Variants in NAV1 observed in about 807,000 individuals in gnomAD.
The protein encoded by NAV1 is neuron navigator 1, also known as pore membrane and/or filament interacting like protein 3.
In NAV1, 18 loss-of-function variants were observed where a neutral mutation model predicts 175.2. The ratio of observed to expected loss-of-function variants is 0.10; its 90% CI spans 0.07 to 0.15. NAV1 has a LOEUF of 0.15. NAV1 is among the 10% of genes least tolerant of loss of function. The pLI is 1.00. For synonymous variants in NAV1, 897 were observed against 978.7 expected, an observed-to-expected ratio of 0.92 and a Z score of 1.56; for missense variants, 1,731 against 2,436.6, an observed-to-expected ratio of 0.71 and a Z score of 6.10.
intron 1 of NAV1, among the ~76,000 whole-genome samples, chr1:201,695,717 C>G (rs1418587355): frequency 2.0e-5 from 3 of 152,330 alleles, no homozygotes; most frequent in African/African-American, 7.2e-5. Context: ...GAAGGCCTGG[C>G]TGCCTCCCAG....
In NAV1 at chr1:201,793,885, CTGGGAAAGGGTGGGAGGGGTGGGT is replaced by C; in HGVS notation, c.3405+11_3405+34del. On this transcript the variant is annotated intron_variant, in intron 14 of 29. Coordinates refer to ENST00000367296, the Ensembl canonical transcript of NAV1. ...GACGGCCGAGGAGAAGGTGAGAGGCCTGGGAAAGGGTGGGAGGGGTGGGTGCGGCGAGGGGGTTCTCCTGGACAG... is the reference window on the plus strand; with the variant it reads ...GACGGCCGAGGAGAAGGTGAGAGGCCGCGGCGAGGGGGTTCTCCTGGACAG... 3 of 538,520 alleles carry C rather than the reference CTGGGAAAGGGTGGGAGGGGTGGGT, an allele frequency of 5.6e-6. No individual in the cohort carries two copies. The highest frequency in any genetic ancestry group is 1.0e-5 in the Non-Finnish European group (3 of 288,106). The allele number at this position is 538,520 out of a possible 1,614,324, so 33.4% of individuals were successfully genotyped here. A position where few individuals can be genotyped will look rare whatever the true frequency, so the allele number is the denominator to read the frequency against.
At position 201,595,002 on chromosome 1, in the gene NAV1, C is replaced by T. The variant is rs144221584; in HGVS notation, c.-33+6353C>T. Among the ~76,000 whole-genome samples, 25 of 152,300 alleles carry T rather than the reference C, an allele frequency of 1.6e-4. No individual in the cohort carries two copies. In the East Asian group the frequency reaches 4.4e-3, roughly 27 times the overall value. ...CTTGTGCCTAGCACAGCGAGGAGGC[C>T]GTTGAGGGGAGGGATGTGAAAGCAG... On this transcript the variant is annotated intron_variant, in intron 2 of 33. Coordinates refer to the NAV1 transcript ENST00000685211.
At chr1:201,594,173 G>A (rs977635312) in intron 2 of NAV1, among the ~76,000 whole-genome samples, 2 of 151,958 alleles carry the variant, frequency 1.3e-5, no homozygotes, top group African/African-American at 4.8e-5. Context: ...CCCGGGAGTG[G>A]TACTTCTTTG....
At chr1:201,816,997 C>A (rs575994976) in intron 28 of NAV1, 91 bp from the exon 33 acceptor site, 1 of 1,199,780 alleles carries the variant, frequency 8.3e-7, no homozygotes, top group Non-Finnish European at 1.2e-6. Flanking sequence ...TTTTAAGGAG[C>A]CTATTTTTTG....
intron 2 of NAV1, among the ~76,000 whole-genome samples, chr1:201,630,565 G>T (rs947578117): frequency 1.3e-5 from 2 of 152,290 alleles, no homozygotes; most frequent in Non-Finnish European, 2.9e-5. Flanking sequence ...TTCTAGGCCT[G>T]GTCTATAGCA....
At position 201,694,389 on chromosome 1, in the gene NAV1, T is replaced by A. The variant is rs1671098113; in HGVS notation, c.758-18428T>A. On this transcript the variant is annotated intron_variant, in intron 1 of 29. Transcript: ENST00000367296. This position sits in a 1 kb window ranked among gnomAD's most constrained non-coding sequence, Gnocchi z 4.2. ...TTCCCATCGCTTCTCTCATCCCTCC[T>A]TCTGAGCCTAGGGTGCCCCCTTTGC... 6.6e-6 allele frequency among the ~76,000 whole-genome samples: 1 copy of A among 152,208 alleles called. No individual in the cohort carries two copies. The highest frequency in any genetic ancestry group is 1.5e-5 in the Non-Finnish European group (1 of 68,022).
At chr1:201,586,963 C>A (rs1667047860) in intron 1 of NAV1, among the ~76,000 whole-genome samples, 1 of 152,160 alleles carries the variant, frequency 6.6e-6, no homozygotes, top group Admixed American at 6.5e-5. Context: ...GTAACCCCAG[C>A]ACTTTGGGAG....
intron 1 of NAV1, 102 bp downstream of exon 5, chr1:201,649,527 G>C: frequency 2.1e-6 from 3 of 1,424,900 alleles, no homozygotes; most frequent in Non-Finnish European, 2.7e-6. Context: ...GCGCCTTCCC[G>C]GAGGGCCCTC....
chr1:201,744,739 CAA>C (rs922240290), intron 3 of NAV1, among the ~76,000 whole-genome samples: 13 of 152,128 alleles, frequency 8.5e-5, no homozygotes, highest in African/African-American at 3.1e-4. Context: ...TCCAGAGGGA[CAA>C]GAGCTTATTT....
At chr1:201,648,653 G>T in exon 1 of NAV1, 2 of 1,371,702 alleles carry the variant, frequency 1.5e-6, no homozygotes, top group Non-Finnish European at 9.4e-7. Context: ...TCGTCCATGC[G>T]CTCCTCGCGG....
intron 2 of NAV1, among the ~76,000 whole-genome samples, chr1:201,642,024 TCTTC>T (rs371893164): frequency 6.7e-6 from 1 of 149,882 alleles, no homozygotes; most frequent in Non-Finnish European, 1.5e-5. Context: ...TCTTTCTTTC[TCTTC>T]CTTCCTCCTT....
At chr1:201,571,732 T>A (rs192648521) in intron 1 of NAV1, among the ~76,000 whole-genome samples, 315 of 152,358 alleles carry the variant, frequency 2.1e-3, no homozygotes, top group African/African-American at 7.2e-3. Context: ...AAATTTCCCT[T>A]CCTAATTTGG....
At chr1:201,639,502 T>C (rs1020719048) in intron 2 of NAV1, among the ~76,000 whole-genome samples, 2 of 152,060 alleles carry the variant, frequency 1.3e-5, no homozygotes, top group Non-Finnish European at 2.9e-5. Context: ...GAAATAGAAG[T>C]CCTGTGTTCT....
intron 1 of NAV1, among the ~76,000 whole-genome samples, chr1:201,697,876 A>G (rs1462926500): frequency 6.6e-6 from 1 of 152,250 alleles, no homozygotes; most frequent in Non-Finnish European, 1.5e-5. Flanking sequence ...TGAATATGCC[A>G]GGTCTCTGCC....
At chr1:201,715,386 C>T (rs576076695) in intron 2 of NAV1, among the ~76,000 whole-genome samples, 2 of 152,294 alleles carry the variant, frequency 1.3e-5, no homozygotes, top group East Asian at 3.9e-4. Context: ...TCTAGAACTC[C>T]TGACCTCAGG....
Position 201,807,115 on chromosome 1 carries a change from A to AC in NAV1, c.3649-835dup, listed in dbSNP as rs946074459. On this transcript the variant is annotated intron_variant, in intron 17 of 29. Transcript: ENST00000367296. This position sits in a 1 kb window ranked among gnomAD's most constrained non-coding sequence, Gnocchi z 5.4. ...TGCATGTGGATGGGTATGGGACAGG[A>AC]CCCTGGTTTGCATCTCTAGCTCACA... Among the ~76,000 whole-genome samples, 8 of 151,720 alleles carry AC rather than the reference A, an allele frequency of 5.3e-5. No homozygotes were observed. Among genetic ancestry groups the AC allele is most frequent in the African/African-American group, 1.9e-4 (8 of 41,252 alleles).
rs1485195033 is a variant in NAV1, at chr1:201,561,374, G to T, written c.-144+22032G>T. On this transcript the variant is annotated intron_variant, in intron 1 of 33. Coordinates refer to the NAV1 transcript ENST00000685211. Reference sequence around the variant, plus strand: ...TAAACGAATCTGCCCCATCACACATGGTGTTACGCAAAAACAGGATGTGGG... The same window carrying T: ...TAAACGAATCTGCCCCATCACACATTGTGTTACGCAAAAACAGGATGTGGG... Among the ~76,000 whole-genome samples the T allele has an allele frequency of 2.6e-5, 4 of 152,306 alleles. No individual in the cohort carries two copies. The East Asian group carries it at 7.7e-4, about 29-fold the overall frequency.
intron 21 of NAV1, 49 bp from the exon 26 acceptor site, chr1:201,809,393 G>T: frequency 6.2e-7 from 1 of 1,602,524 alleles, no homozygotes; most frequent in Non-Finnish European, 8.5e-7. Context: ...CCGGTTCATG[G>T]AGTCATCTGC....
exon 29 of NAV1, chr1:201,817,180 G>C: frequency 6.2e-7 from 1 of 1,614,068 alleles, no homozygotes; most frequent in South Asian, 1.1e-5. Flanking sequence ...AATCAAAGCT[G>C]TACCACCTGC....
Sources: allele counts gnomAD v4.1 joint callset (sites outside exome capture counted in the v4.1 genomes callset), GRCh38; gene constraint gnomAD v4.1.1; non-coding constraint Gnocchi (gnomAD v3.1); transcripts MANE v1.5; gene names NCBI Gene and HGNC (gene_info 2026-07-23, HGNC 2026-07-21).